Variants in ACSL5 observed in about 807,000 individuals in gnomAD.
ACSL5 encodes the protein long-chain-fatty-acid--CoA ligase 5.
A neutral mutation model predicts 84.9 loss-of-function variants in ACSL5; 50 were observed. The ratio of observed to expected loss-of-function variants is 0.59; its 90% CI spans 0.47 to 0.75. ACSL5 has a LOEUF of 0.75. Ranked by LOEUF, ACSL5 falls within the 30% of genes least tolerant of loss-of-function variation. The probability of loss-of-function intolerance (pLI) is 0.00; values close to 1 mark genes in which losing one functional copy is unlikely to be tolerated. For missense variants in ACSL5, 775 were observed against 830.4 expected (o/e 0.93, Z 0.82); for synonymous variants, 280 against 300.7 (o/e 0.93, Z 0.71).
At position 112,394,989 on chromosome 10, in the gene ACSL5, C is replaced by A. The variant is rs759242841; in HGVS notation, c.43C>A (p.Pro15Thr). Residue 15 changes from proline (P) to threonine (T), a missense_variant, in exon 2 of 21, where the codon CCG (proline) becomes ACG (threonine). Pro to Thr is a conservative substitution (Grantham distance 38). Coordinates refer to ENST00000354655, the MANE Select transcript of ACSL5 (RefSeq NM_203379.2). ...FNFLFSPLPTPALICILTFGA... is the reference protein window; with the variant it reads ...FNFLFSPLPTTALICILTFGA... ...CTTTTTGTTTTCCCCACTTCCGACCCCGGCGTTGATCTGCATCCTGACATT... is the reference window on the plus strand; with the variant it reads ...CTTTTTGTTTTCCCCACTTCCGACCACGGCGTTGATCTGCATCCTGACATT... The A allele has an allele frequency of 6.2e-7, 1 of 1,613,950 alleles. No individual in the cohort carries two copies. Among genetic ancestry groups the A allele is most frequent in the East Asian group, 2.2e-5 (1 of 44,872 alleles).
At chr10:112,394,692 T>C in intron 1 of ACSL5, 1 of 965,984 alleles carries the variant, frequency 1.0e-6, no homozygotes, top group Non-Finnish European at 1.2e-6. Context: ...GTGAGGACAG[T>C]CAAGTAGCAG....
chr10:112,377,587 T>C (rs990952889), intron 1 of ACSL5, among the ~76,000 whole-genome samples: 2 of 152,222 alleles, frequency 1.3e-5, no homozygotes, highest in African/African-American at 4.8e-5. Flanking sequence ...GACTTAGTTT[T>C]CTTTTAAAAA....
chr10:112,426,555 G>T, intron 19 of ACSL5, 196 bp downstream of exon 19: 1 of 620,182 alleles, frequency 1.6e-6, no homozygotes, highest in Non-Finnish European at 2.8e-6. Flanking sequence ...TTCATTGTGG[G>T]AAAAGATTGG....
chr10:112,384,015 G>A (rs1269691706), intron 1 of ACSL5, among the ~76,000 whole-genome samples: 3 of 151,866 alleles, frequency 2.0e-5, no homozygotes, highest in South Asian at 2.1e-4. Flanking sequence ...ACAACATGGC[G>A]AAATCCTGTC....
chr10:112,398,487 C>G (rs926966889), intron 2 of ACSL5, among the ~76,000 whole-genome samples: 2 of 152,054 alleles, frequency 1.3e-5, no homozygotes, highest in Admixed American at 6.5e-5. Flanking sequence ...TCACTGCAAC[C>G]TCTGCCTCCC....
chr10:112,379,497 C>G (rs1849307870), intron 1 of ACSL5, among the ~76,000 whole-genome samples: 1 of 151,892 alleles, frequency 6.6e-6, no homozygotes, highest in Non-Finnish European at 1.5e-5. Context: ...CCGTGGTCAT[C>G]TCTTTTCTTT....
chr10:112,380,965 C>T (rs923313146), intron 1 of ACSL5, among the ~76,000 whole-genome samples: 4 of 152,038 alleles, frequency 2.6e-5, no homozygotes, highest in Non-Finnish European at 5.9e-5. Context: ...AGATGGGGTC[C>T]CACTATGTTG....
intron 14 of ACSL5, among the ~76,000 whole-genome samples, chr10:112,420,686 T>C (rs1281575167): frequency 2.0e-5 from 3 of 152,178 alleles, no homozygotes; most frequent in Non-Finnish European, 4.4e-5. Flanking sequence ...TGTTCCCACC[T>C]ACTTGAAATG....
At position 112,408,454 on chromosome 10, in the gene ACSL5, C is replaced by T; in HGVS notation, c.465C>T (p.Tyr155=). The change falls in exon 6 of 21, where the codon TAC becomes TAT. Residue 155 remains tyrosine (Y), a synonymous_variant. Coordinates refer to ENST00000354655, the MANE Select transcript of ACSL5 (RefSeq NM_203379.2). ...TCTCCGAATTGGCTTGTTACACGTA[C>T]TCTATGGTAGCTGTACCTCTGTATG... The part of the protein sequence containing the change: ...WIISELACYT[Y]SMVAVPLYDT... 2 of 1,613,610 alleles carry T rather than the reference C, an allele frequency of 1.2e-6. No individual in the cohort carries two copies. Among genetic ancestry groups the T allele is most frequent in the Non-Finnish European group, 1.7e-6 (2 of 1,179,580 alleles).
intron 11 of ACSL5, among the ~76,000 whole-genome samples, chr10:112,412,892 G>GT (rs1014978909): frequency 6.6e-5 from 10 of 151,794 alleles, no homozygotes; most frequent in African/African-American, 2.2e-4. Context: ...GGAGTCTGGG[G>GT]GACCACACAG....
At chr10:112,404,872 T>C in intron 5 of ACSL5, 66 bp downstream of exon 5, 1 of 1,381,236 alleles carries the variant, frequency 7.2e-7, no homozygotes, top group African/African-American at 1.4e-5. Context: ...CAAATGCTAT[T>C]CCCCGTCCAG....
intron 7 of ACSL5, 43 bp from the exon 8 acceptor site, chr10:112,410,420 A>G (rs1844151067): frequency 6.2e-7 from 1 of 1,612,870 alleles, no homozygotes; most frequent in African/African-American, 1.3e-5. Flanking sequence ...CAGTCTGTCC[A>G]TCTCAACTAA....
At chr10:112,397,113 C>G (rs1194652802) in intron 2 of ACSL5, among the ~76,000 whole-genome samples, 1 of 152,006 alleles carries the variant, frequency 6.6e-6, no homozygotes, top group Non-Finnish European at 1.5e-5. Context: ...ATCCCAGGGC[C>G]CTGATCCTGT....
chr10:112,400,195 T>A (rs1219699320), intron 3 of ACSL5, among the ~76,000 whole-genome samples: 1 of 152,080 alleles, frequency 6.6e-6, no homozygotes, highest in Non-Finnish European at 1.5e-5. Context: ...TCTAATACAG[T>A]ATAATTTCCT....
intron 3 of ACSL5, among the ~76,000 whole-genome samples, chr10:112,400,850 G>A (rs79143429): frequency 3.8e-4 from 58 of 152,272 alleles, no homozygotes; most frequent in African/African-American, 1.3e-3. Context: ...GGGCCACTAT[G>A]CTCAGCTCTA....
chr10:112,387,206 C>T (rs1017640409), intron 1 of ACSL5, among the ~76,000 whole-genome samples: 2 of 152,196 alleles, frequency 1.3e-5, no homozygotes, highest in African/African-American at 4.8e-5. Flanking sequence ...TGTCTCAAAT[C>T]ACCTCATCTG....
At chr10:112,422,692 C>G (rs1052820838) in intron 17 of ACSL5, among the ~76,000 whole-genome samples, 2 of 151,800 alleles carry the variant, frequency 1.3e-5, no homozygotes, top group African/African-American at 2.4e-5. Context: ...TCCGTCTCTA[C>G]TAAAAATACA....
intron 1 of ACSL5, among the ~76,000 whole-genome samples, chr10:112,386,830 A>G (rs905137201): frequency 2.0e-5 from 3 of 152,142 alleles, no homozygotes; most frequent in African/African-American, 7.2e-5. Flanking sequence ...CATCTTTTTC[A>G]TGACTTCTAA....
chr10:112,396,504 A>T (rs1843749138), intron 2 of ACSL5: 1 of 152,220 alleles, frequency 6.6e-6, no homozygotes, highest in African/African-American at 2.4e-5. Flanking sequence ...GGCCAGATTC[A>T]GCCTGCAGAT....
Sources: allele counts gnomAD v4.1 joint callset (sites outside exome capture counted in the v4.1 genomes callset), GRCh38; gene constraint gnomAD v4.1.1; transcripts MANE v1.5; gene names NCBI Gene and HGNC (gene_info 2026-07-23, HGNC 2026-07-21).